Variants in XKR6 observed in about 807,000 individuals in gnomAD.
XKR6 encodes XK-related protein 6.
In XKR6, 22 loss-of-function variants were observed where a neutral mutation model predicts 56.7. The observed-to-expected ratio is 0.39, with a 90% confidence interval of 0.28 to 0.55. The LOEUF (loss-of-function observed/expected upper bound fraction) is 0.55. Ranked by LOEUF, XKR6 falls within the 20% of genes least tolerant of loss-of-function variation. The pLI is 0.66. For synonymous variants in XKR6, 524 were observed against 387.8 expected (o/e 1.35, Z -4.13); for missense variants, 852 against 889.0 (o/e 0.96, Z 0.53).
chr8:11,070,116 C>A (rs967564002), intron 1 of XKR6, among the ~76,000 whole-genome samples: 1 of 152,186 alleles, frequency 6.6e-6, no homozygotes, highest in South Asian at 2.1e-4. Flanking sequence ...CCTGACAACA[C>A]AGATGTGTGA....
chr8:10,949,637 T>G (rs1420951333), intron 1 of XKR6, among the ~76,000 whole-genome samples: 1 of 152,220 alleles, frequency 6.6e-6, no homozygotes, highest in African/African-American at 2.4e-5. Flanking sequence ...CTGAAGGCAG[T>G]ATGTCTATTG....
intron 1 of XKR6, among the ~76,000 whole-genome samples, chr8:11,017,334 ACCT>A (rs1381470859): frequency 1.3e-5 from 2 of 152,192 alleles, no homozygotes; most frequent in African/African-American, 4.8e-5. Flanking sequence ...GGCTTTGGCA[ACCT>A]CCTCAATAGA....
At chr8:10,916,517 C>G (rs1208507308) in intron 2 of XKR6, among the ~76,000 whole-genome samples, 2 of 152,192 alleles carry the variant, frequency 1.3e-5, no homozygotes, top group South Asian at 4.1e-4. Flanking sequence ...GGATGTCTTT[C>G]ACTGGGGAGA....
chr8:11,093,996 G>T (rs7824889), intron 1 of XKR6, among the ~76,000 whole-genome samples: 1 of 151,552 alleles, frequency 6.6e-6, no homozygotes, highest in Non-Finnish European at 1.5e-5. Flanking sequence ...GTGTTAGCCC[G>T]GATGGTCTCG....
intron 1 of XKR6, among the ~76,000 whole-genome samples, chr8:11,179,563 A>G (rs1802857687): frequency 6.6e-6 from 1 of 152,098 alleles, no homozygotes; most frequent in Admixed American, 6.5e-5. Context: ...CTCCTCCCTC[A>G]AAACACTAGA....
At chr8:10,912,835 T>G (rs7822194) in intron 2 of XKR6, among the ~76,000 whole-genome samples, 60,408 of 146,270 alleles carry the variant, frequency 0.41, 13,663 homozygotes, top group African/African-American at 0.61. Context: ...TATATATATA[T>G]AGAGAGAGAA....
At chr8:11,094,133 G>C (rs1798184059) in intron 1 of XKR6, among the ~76,000 whole-genome samples, 1 of 150,028 alleles carries the variant, frequency 6.7e-6, no homozygotes, top group Non-Finnish European at 1.5e-5. Flanking sequence ...CTGGAGTGCC[G>C]TGGTCATATC....
At chr8:10,915,616 G>A (rs1800541561) in intron 2 of XKR6, among the ~76,000 whole-genome samples, 1 of 152,198 alleles carries the variant, frequency 6.6e-6, no homozygotes, top group African/African-American at 2.4e-5. Context: ...GAGTGGTGCA[G>A]TGCGAGCGTT....
intron 1 of XKR6, among the ~76,000 whole-genome samples, chr8:11,012,292 C>T (rs186854023): frequency 3.0e-3 from 463 of 152,336 alleles, no homozygotes; most frequent in African/African-American, 8.6e-3. Flanking sequence ...AACTGCTATG[C>T]AGATAAATTT....
chr8:11,190,138 C>G (rs1251641596), intron 1 of XKR6, among the ~76,000 whole-genome samples: 1 of 126,752 alleles, frequency 7.9e-6, no homozygotes, highest in Non-Finnish European at 1.6e-5. Flanking sequence ...GCCTGGGCAA[C>G]AAGAGTGAAA....
intron 1 of XKR6, among the ~76,000 whole-genome samples, chr8:11,106,880 C>T (rs1489072863): frequency 1.1e-5 from 1 of 93,556 alleles, no homozygotes; most frequent in East Asian, 2.0e-4. Context: ...AAAGATACAA[C>T]GTTACAAAAT....
chr8:10,968,735 A>G (rs1474121404), intron 1 of XKR6, among the ~76,000 whole-genome samples: 1 of 152,256 alleles, frequency 6.6e-6, no homozygotes, highest in Non-Finnish European at 1.5e-5. Flanking sequence ...GTATAAGGAA[A>G]AGAAAATACG....
intron 1 of XKR6, among the ~76,000 whole-genome samples, chr8:10,994,096 G>C (rs566226282): frequency 6.6e-6 from 1 of 152,276 alleles, no homozygotes; most frequent in African/African-American, 2.4e-5. Context: ...CCTGAACATG[G>C]TTCCCCAACC....
intron 1 of XKR6, chr8:11,062,657 A>G (rs767078734): frequency 1.4e-5 from 6 of 433,134 alleles, no homozygotes; most frequent in Middle Eastern, 3.4e-4. Flanking sequence ...AATAGTAAAC[A>G]TAATTACTCT....
At chr8:11,151,472 G>C (rs892169629) in intron 1 of XKR6, among the ~76,000 whole-genome samples, 4 of 152,076 alleles carry the variant, frequency 2.6e-5, no homozygotes, top group Non-Finnish European at 5.9e-5. Context: ...GTTGAGAATG[G>C]CAAGATTTTA....
chr8:10,959,096 T>C (rs761197131), intron 1 of XKR6, among the ~76,000 whole-genome samples: 7 of 152,282 alleles, frequency 4.6e-5, no homozygotes, highest in Middle Eastern at 3.4e-3. Context: ...ACTTTGGGTG[T>C]TGGCTCGCTT....
chr8:11,084,803 T>C (rs545717683), intron 1 of XKR6, among the ~76,000 whole-genome samples: 1 of 152,330 alleles, frequency 6.6e-6, no homozygotes, highest in South Asian at 2.1e-4. Context: ...GTGGGACTGC[T>C]GCCAGCTTGG....
intron 2 of XKR6, among the ~76,000 whole-genome samples, chr8:10,912,447 GTA>G (rs371843959): frequency 0.014 from 1,692 of 117,088 alleles, 40 homozygotes; most frequent in Non-Finnish European, 0.017. Context: ...ATAGGTGAGT[GTA>G]TATATATATA....
At chr8:11,033,857 G>A (rs1346519072) in intron 1 of XKR6, among the ~76,000 whole-genome samples, 3 of 152,106 alleles carry the variant, frequency 2.0e-5, no homozygotes, top group Non-Finnish European at 4.4e-5. Flanking sequence ...TAGTTCTTCC[G>A]TATACTAGAC....
Sources: allele counts gnomAD v4.1 joint callset (sites outside exome capture counted in the v4.1 genomes callset), GRCh38; gene constraint gnomAD v4.1.1; transcripts MANE v1.5; gene names NCBI Gene and HGNC (gene_info 2026-07-23, HGNC 2026-07-21).